The following SLC24A2 variants were observed in gnomAD, a reference collection of about 807,000 sequenced individuals.
The protein encoded by SLC24A2 is solute carrier family 24 member 2.
In SLC24A2, 36 loss-of-function variants were observed where a neutral mutation model predicts 62.0. The observed-to-expected ratio is 0.58, with a 90% CI of 0.44 to 0.77. The LOEUF is 0.77. Among genes scored for constraint, SLC24A2 ranks in the 30% least tolerant of loss-of-function variants. SLC24A2 has a pLI of 0.00. For synonymous variants in SLC24A2, 358 were observed against 294.0 expected, an observed-to-expected ratio of 1.22 and a Z score of -2.23; for missense variants, 846 against 817.9, an observed-to-expected ratio of 1.03 and a Z score of -0.42.
At chr9:20,035,433 C>A in the SLC24A2 span, among the ~76,000 whole-genome samples, 1 of 152,108 alleles carries the variant, frequency 6.6e-6, no homozygotes, top group Non-Finnish European at 1.5e-5. Context: ...AAAGTGGAGA[C>A]TTCCAATGAA....
At chr9:19,534,703 G>C (rs1833872822) in intron 8 of SLC24A2, among the ~76,000 whole-genome samples, 1 of 152,056 alleles carries the variant, frequency 6.6e-6, no homozygotes, top group South Asian at 2.1e-4. Flanking sequence ...CTTTTTTATG[G>C]CTGCATAATA....
the SLC24A2 span, among the ~76,000 whole-genome samples, chr9:19,970,171 C>T: frequency 3.8e-3 from 582 of 152,230 alleles, 3 homozygotes; most frequent in Non-Finnish European, 4.4e-3. Context: ...CCAGGTAGCT[C>T]CTTTATTGCA....
chr9:19,558,478 G>C (rs1010907353), intron 7 of SLC24A2, among the ~76,000 whole-genome samples: 6 of 152,180 alleles, frequency 3.9e-5, no homozygotes, highest in African/African-American at 1.4e-4. Flanking sequence ...ATGAGGGCTT[G>C]TGATTTTATG....
At chr9:20,188,280 G>C in the SLC24A2 span, among the ~76,000 whole-genome samples, 1 of 152,194 alleles carries the variant, frequency 6.6e-6, no homozygotes, top group Admixed American at 6.5e-5. Flanking sequence ...CATCTTGGGT[G>C]CCATCATGAG....
At chr9:19,986,472 C>T in the SLC24A2 span, among the ~76,000 whole-genome samples, 8 of 152,164 alleles carry the variant, frequency 5.3e-5, no homozygotes, top group East Asian at 1.5e-3. Flanking sequence ...AAGCACTTAG[C>T]AAATACATGT....
the SLC24A2 span, among the ~76,000 whole-genome samples, chr9:20,088,630 G>A: frequency 6.6e-6 from 1 of 152,136 alleles, no homozygotes; most frequent in African/African-American, 2.4e-5. Flanking sequence ...TGTTGTCTTT[G>A]GGCTTTGGAG....
At chr9:19,572,380 A>G (rs185589866) in intron 7 of SLC24A2, among the ~76,000 whole-genome samples, 72 of 152,178 alleles carry the variant, frequency 4.7e-4, no homozygotes, top group African/African-American at 1.6e-3. Context: ...TCTCATCTCA[A>G]ATTGTAATCC....
the SLC24A2 span, among the ~76,000 whole-genome samples, chr9:20,142,557 A>T: frequency 1.3e-5 from 2 of 151,992 alleles, no homozygotes; most frequent in Admixed American, 6.6e-5. Flanking sequence ...GCTCTCTCAA[A>T]TGCCTCATTT....
chr9:20,103,790 G>A, the SLC24A2 span, among the ~76,000 whole-genome samples: 149 of 151,570 alleles, frequency 9.8e-4, no homozygotes, highest in African/African-American at 2.3e-3. Flanking sequence ...AAAGCAGAGC[G>A]CCCCTCCTCC....
chr9:20,007,615 T>C, the SLC24A2 span, among the ~76,000 whole-genome samples: 9 of 152,140 alleles, frequency 5.9e-5, no homozygotes, highest in Admixed American at 4.6e-4. Context: ...CTGAATGCAA[T>C]GGGGATTTCA....
the SLC24A2 span, among the ~76,000 whole-genome samples, chr9:20,156,931 G>A: frequency 2.6e-5 from 4 of 151,714 alleles, no homozygotes; most frequent in East Asian, 7.8e-4. Context: ...CCAGACTCAA[G>A]TTGTAATTGG....
chr9:20,152,173 G>C, the SLC24A2 span, among the ~76,000 whole-genome samples: 2 of 151,784 alleles, frequency 1.3e-5, no homozygotes, highest in African/African-American at 4.8e-5. Flanking sequence ...AAATGCTGCC[G>C]GTTTTAGCTC....
At chr9:20,123,475 T>A in the SLC24A2 span, among the ~76,000 whole-genome samples, 1 of 152,184 alleles carries the variant, frequency 6.6e-6, no homozygotes, top group Non-Finnish European at 1.5e-5. Context: ...CTTGTCCAAG[T>A]AGGAGGTACA....
At chr9:19,969,896 G>A in the SLC24A2 span, among the ~76,000 whole-genome samples, 1 of 152,132 alleles carries the variant, frequency 6.6e-6, no homozygotes, top group Non-Finnish European at 1.5e-5. Context: ...AGCTATACTA[G>A]GGATTGCAAT....
intron 8 of SLC24A2, among the ~76,000 whole-genome samples, chr9:19,545,457 T>C (rs1834508189): frequency 1.3e-5 from 2 of 151,974 alleles, no homozygotes; most frequent in African/African-American, 4.8e-5. Flanking sequence ...TCTCCATCCA[T>C]TTTTGTTCCA....
intron 2 of SLC24A2, among the ~76,000 whole-genome samples, chr9:19,742,739 A>C (rs1821716656): frequency 6.6e-6 from 1 of 152,160 alleles, no homozygotes; most frequent in Admixed American, 6.6e-5. Context: ...CTAAAAAGCA[A>C]CCTGTGAAAG....
At chr9:20,018,164 A>T in the SLC24A2 span, among the ~76,000 whole-genome samples, 14 of 151,976 alleles carry the variant, frequency 9.2e-5, no homozygotes, top group African/African-American at 1.7e-4. Flanking sequence ...AGCCAGGATG[A>T]TTTTGATCTC....
At chr9:19,659,042 G>A (rs930840343) in intron 2 of SLC24A2, among the ~76,000 whole-genome samples, 1 of 152,130 alleles carries the variant, frequency 6.6e-6, no homozygotes, top group Non-Finnish European at 1.5e-5. Context: ...CAGTACTTTA[G>A]GATGCAATCT....
At chr9:19,954,820 G>C in the SLC24A2 span, among the ~76,000 whole-genome samples, 3 of 152,016 alleles carry the variant, frequency 2.0e-5, no homozygotes, top group Non-Finnish European at 4.4e-5. Flanking sequence ...ATCCTCTTCT[G>C]CCCACATCTA....
Sources: allele counts gnomAD v4.1 joint callset (sites outside exome capture counted in the v4.1 genomes callset), GRCh38; gene constraint gnomAD v4.1.1; transcripts MANE v1.5; gene names NCBI Gene and HGNC (gene_info 2026-07-23, HGNC 2026-07-21).